Variants in PLCH2 observed in about 807,000 individuals in gnomAD.
PLCH2 encodes the protein 1-phosphatidylinositol 4,5-bisphosphate phosphodiesterase eta-2.
A neutral mutation model predicts 134.7 loss-of-function variants in PLCH2; 98 were observed. The observed-to-expected ratio is 0.73, with a 90% CI of 0.62 to 0.86. PLCH2 has a LOEUF of 0.86. PLCH2 is among the 40% of genes least tolerant of loss of function. PLCH2 has a pLI of 0.00. For missense variants in PLCH2, 1,994 were observed against 1,986.6 expected (o/e 1.00, Z -0.07); for synonymous variants, 974 against 827.5 (o/e 1.18, Z -3.04).
upstream of PLCH2, among the ~76,000 whole-genome samples, chr1:2,463,651 C>T (rs1043574628): frequency 1.1e-4 from 16 of 152,206 alleles, no homozygotes; most frequent in South Asian, 4.1e-4. Flanking sequence ...GGTCAGAGCC[C>T]GCGACCCGAG....
At chr1:2,461,775 C>G (rs1391897492) in intron 2 of PLCH2, among the ~76,000 whole-genome samples, 2 of 152,160 alleles carry the variant, frequency 1.3e-5, no homozygotes, top group African/African-American at 2.4e-5. Flanking sequence ...GCAACTCCCC[C>G]AGGCTTGGGG....
chr1:2,480,036 C>T (rs1169814912), intron 3 of PLCH2, 59 bp downstream of exon 3: 2 of 1,584,554 alleles, frequency 1.3e-6, no homozygotes, highest in African/African-American at 1.3e-5. Flanking sequence ...TGGCTGCTCA[C>T]CCTGGGGGGG....
upstream of PLCH2, among the ~76,000 whole-genome samples, chr1:2,472,778 C>G (rs1641390542): frequency 1.3e-5 from 2 of 152,110 alleles, no homozygotes; most frequent in African/African-American, 4.8e-5. Flanking sequence ...TCTGGACAGG[C>G]CTGGAAGAGG....
intron 20 of PLCH2, 45 bp downstream of exon 20, chr1:2,499,765 A>C: frequency 7.1e-7 from 1 of 1,414,246 alleles, no homozygotes; most frequent in Non-Finnish European, 9.8e-7. Flanking sequence ...GAGGGGCCAC[A>C]CCAGCCCCTT....
At chr1:2,443,857 G>A (rs1168711897) in intron 2 of PLCH2, among the ~76,000 whole-genome samples, 3 of 149,856 alleles carry the variant, frequency 2.0e-5, no homozygotes, top group Non-Finnish European at 3.0e-5. Context: ...GCCCGAGCCC[G>A]AGCCCGGCCG....
chr1:2,456,730 C>T (rs1017744111), intron 2 of PLCH2, among the ~76,000 whole-genome samples: 1 of 152,158 alleles, frequency 6.6e-6, no homozygotes, highest in Non-Finnish European at 1.5e-5. Flanking sequence ...GCTGGGCCTT[C>T]CTCTGGACTT....
intron 8 of PLCH2, 45 bp from the exon 9 acceptor site, chr1:2,489,162 C>T: frequency 6.4e-7 from 1 of 1,573,802 alleles, no homozygotes; most frequent in Non-Finnish European, 8.7e-7. Flanking sequence ...TACCCATCCT[C>T]TGAGGCCCTG....
rs777800680 is a variant in PLCH2 at position 2,496,940 on chromosome 1, C to T, written c.2046C>T (p.Tyr682=). ...ACCAGCAGCAGCTCTCCCGCATCTA[C>T]CCCTCCTCCTACCGTGTGGACTCCA... is the stretch of plus-strand genomic sequence containing the variant. ...RFNQQQLSRI[Y]PSSYRVDSSN... is the part of the protein sequence containing the mutation. The change falls in exon 15 of 22, where the codon TAC becomes TAT. Residue 682 remains tyrosine (Y), a synonymous_variant. Transcript: ENST00000378486. 2.5e-6 allele frequency: 4 copies of T among 1,613,366 alleles called. No homozygotes were observed. Among genetic ancestry groups the T allele is most frequent in the South Asian group, 1.1e-5 (1 of 91,080 alleles).
chr1:2,436,487 CTCCTCCCT>C lies in PLCH2; in HGVS notation c.115+5859_115+5866del, dbSNP rs1186969900. 2.7e-3 allele frequency among the ~76,000 whole-genome samples: 83 copies of C among 30,362 alleles called. 2 individuals carry two copies. Among genetic ancestry groups the C allele is most frequent in the Non-Finnish European group, 3.4e-3 (66 of 19,440 alleles). 19.9% of individuals were successfully genotyped at this position (30,362 alleles called of 152,430 possible). On this transcript the variant is annotated intron_variant, in intron 2 of 3. Coordinates refer to the PLCH2 transcript ENST00000609981. ...CCTTTCCTCCTTCCTCCCTCCTCCC[CTCCTCCCT>C]CCTCCTCCTTTCCTCCTTCCTCCCT...
At chr1:2,474,290 G>A (rs554390142), upstream of PLCH2, among the ~76,000 whole-genome samples, 450 of 152,264 alleles carry the variant, frequency 3.0e-3, 5 homozygotes, top group Non-Finnish European at 5.3e-3. Context: ...CCGGCTTCAC[G>A]CTGCAGCTGC....
intron 2 of PLCH2, among the ~76,000 whole-genome samples, chr1:2,460,178 G>A (rs1640745136): frequency 6.6e-6 from 1 of 152,264 alleles, no homozygotes; most frequent in Non-Finnish European, 1.5e-5. Context: ...TGTCCCCAGG[G>A]GCCCTGCTGT....
upstream of PLCH2, among the ~76,000 whole-genome samples, chr1:2,424,824 A>AAAC (rs1302977602): frequency 6.6e-6 from 1 of 152,160 alleles, no homozygotes; most frequent in Non-Finnish European, 1.5e-5. Flanking sequence ...TGTCTCTACT[A>AAAC]AAAATAAAAA....
chr1:2,494,376 T>G, intron 11 of PLCH2: 1 of 179,318 alleles, frequency 5.6e-6, no homozygotes. Flanking sequence ...CCTCAGGGAG[T>G]GCCCACCTGG....
intron 4 of PLCH2, among the ~76,000 whole-genome samples, chr1:2,480,894 G>C (rs370813247): frequency 6.6e-6 from 1 of 152,228 alleles, no homozygotes; most frequent in Non-Finnish European, 1.5e-5. Flanking sequence ...TCCTGGTTCC[G>C]GGTGGTGCTG....
At chr1:2,421,250 A>G (rs2100460052), upstream of PLCH2, among the ~76,000 whole-genome samples, 1 of 151,542 alleles carries the variant, frequency 6.6e-6, no homozygotes, top group South Asian at 2.1e-4. Flanking sequence ...TGGCCCCAAC[A>G]CTCTTAGCAG....
At position 2,436,502 on chromosome 1, in the gene PLCH2, CCTTTCCT is replaced by C. The variant is rs1286317898; in HGVS notation, c.115+5875_115+5881del. 1.1e-3 allele frequency among the ~76,000 whole-genome samples: 50 copies of C among 43,932 alleles called. 4 individuals carry two copies. Among genetic ancestry groups the C allele is most frequent in the African/African-American group, 8.1e-3 (46 of 5,672 alleles). The allele number at this position is 43,932 out of a possible 152,430, so 28.8% of individuals were successfully genotyped here. Reference sequence around the variant, plus strand: ...CCCTCCTCCCCTCCTCCCTCCTCCTCCTTTCCTCCTTCCTCCCTCCTCCTTTCCTCCT... The same window carrying C: ...CCCTCCTCCCCTCCTCCCTCCTCCTCCCTTCCTCCCTCCTCCTTTCCTCCT... On this transcript the variant is annotated intron_variant, in intron 2 of 3. Coordinates refer to the PLCH2 transcript ENST00000609981.
upstream of PLCH2, chr1:2,425,844 C>G (rs1638767321): frequency 6.6e-6 from 1 of 152,226 alleles, no homozygotes; most frequent in South Asian, 2.1e-4. Context: ...GAGGAAATAC[C>G]TATGCAGCAC....
At chr1:2,460,253 G>A (rs537513663) in intron 2 of PLCH2, among the ~76,000 whole-genome samples, 81 of 152,342 alleles carry the variant, frequency 5.3e-4, no homozygotes, top group East Asian at 7.7e-4. Context: ...GTCCCAGGCC[G>A]GGTTCCCCCA....
chr1:2,470,953 A>G (rs925556153), intron 1 of PLCH2, among the ~76,000 whole-genome samples: 3 of 152,064 alleles, frequency 2.0e-5, no homozygotes, highest in African/African-American at 7.2e-5. Context: ...CCTGCTGGCC[A>G]TGCCCTGCTC....
Sources: allele counts gnomAD v4.1 joint callset (sites outside exome capture counted in the v4.1 genomes callset), GRCh38; gene constraint gnomAD v4.1.1; transcripts MANE v1.5; gene names NCBI Gene and HGNC (gene_info 2026-07-23, HGNC 2026-07-21).